Variants in MPP7 observed in about 807,000 individuals in gnomAD.
MPP7 encodes MAGUK p55 scaffold protein 7, also known as MAGUK p55 subfamily member 7.
MPP7 carries 60 observed loss-of-function variants against 76.5 expected under a neutral mutation model. That is an observed-to-expected ratio of 0.78 (90% CI 0.64 to 0.97). The LOEUF is 0.97. Ranked by LOEUF, MPP7 falls within the 50% of genes least tolerant of loss-of-function variation. The probability of loss-of-function intolerance (pLI) is 0.00; values close to 1 mark genes in which losing one functional copy is unlikely to be tolerated. For synonymous variants in MPP7, 237 were observed against 244.5 expected (o/e 0.97, Z 0.29); for missense variants, 641 against 694.0 (o/e 0.92, Z 0.86).
intron 3 of MPP7, among the ~76,000 whole-genome samples, chr10:28,174,076 A>T (rs1836777299): frequency 6.6e-6 from 1 of 152,216 alleles, no homozygotes; most frequent in Non-Finnish European, 1.5e-5. Context: ...AACCAATGAG[A>T]TACCACTACA....
intron 11 of MPP7, among the ~76,000 whole-genome samples, chr10:28,105,227 ATCTGCCAATAAGAATACAT>A (rs1466973353): frequency 7.9e-6 from 1 of 126,392 alleles, no homozygotes; most frequent in Non-Finnish European, 1.5e-5. Flanking sequence ...TAAGTTATCC[ATCTGCCAATAAGAATACAT>A]TTTGCACAAC....
intron 5 of MPP7, among the ~76,000 whole-genome samples, chr10:28,132,951 C>G (rs72803625): frequency 0.026 from 3,894 of 151,062 alleles, 71 homozygotes; most frequent in Middle Eastern, 0.059. Flanking sequence ...CTTTTCTCCA[C>G]TTAGATCAGA....
intron 1 of MPP7, among the ~76,000 whole-genome samples, chr10:28,297,368 G>A (rs1841057911): frequency 6.6e-6 from 1 of 152,190 alleles, no homozygotes; most frequent in Non-Finnish European, 1.5e-5. Flanking sequence ...GGTGCTGGCT[G>A]CTGAAAGATG....
intron 3 of MPP7, among the ~76,000 whole-genome samples, chr10:28,166,023 CAAAAAAA>C (rs9299600): frequency 8.0e-5 from 8 of 99,962 alleles, no homozygotes. Context: ...AGACTCATCT[CAAAAAAA>C]AAAAAAAAAA....
chr10:28,215,450 A>G (rs1461206417), intron 2 of MPP7, among the ~76,000 whole-genome samples: 1 of 152,242 alleles, frequency 6.6e-6, no homozygotes, highest in African/African-American at 2.4e-5. Flanking sequence ...GCCCTATACA[A>G]GAGGAGGTTG....
chr10:28,113,585 C>A (rs1055461233), intron 11 of MPP7, among the ~76,000 whole-genome samples: 6 of 152,106 alleles, frequency 3.9e-5, no homozygotes, highest in Non-Finnish European at 8.8e-5. Flanking sequence ...CAGGTGGACA[C>A]TTAGGCATTA....
In MPP7 at chr10:28,150,054, A is replaced by G. The variant is rs1431402297; in HGVS notation, c.162T>C (p.His54=). The G allele has an allele frequency of 2.5e-6, 4 of 1,613,028 alleles. No individual in the cohort carries two copies. Among genetic ancestry groups the G allele is most frequent in the East Asian group, 4.5e-5 (2 of 44,854 alleles). The change falls in exon 4 of 17, where the codon CAT becomes CAC. Residue 54 remains histidine, a synonymous_variant. Coordinates refer to ENST00000683449, the MANE Select transcript of MPP7 (RefSeq NM_001318170.2). ...GCTTCTCATAGTAGTGTAGTTTTTC[A>G]TGAATCTGGAAGAAAATCAAATGCA... The part of the protein sequence containing the change: ...EKSLHSLVKI[H]EKLHYYEKQS...
intron 1 of MPP7, among the ~76,000 whole-genome samples, chr10:28,239,584 T>C (rs905404868): frequency 3.9e-5 from 6 of 152,242 alleles, no homozygotes; most frequent in African/African-American, 1.4e-4. Context: ...GTGTTAGTAA[T>C]CCAAAGTAAA....
At chr10:28,274,996 A>G (rs1419923098) in intron 1 of MPP7, among the ~76,000 whole-genome samples, 1 of 152,238 alleles carries the variant, frequency 6.6e-6, no homozygotes, top group Non-Finnish European at 1.5e-5. Flanking sequence ...CAAATACTAT[A>G]ATCAGAATTC....
intron 3 of MPP7, among the ~76,000 whole-genome samples, chr10:28,178,847 A>G (rs1464088040): frequency 6.6e-6 from 1 of 152,218 alleles, no homozygotes; most frequent in Non-Finnish European, 1.5e-5. Flanking sequence ...CAAAAAAGAA[A>G]CAGAGACATT....
chr10:28,105,895 A>G (rs1226569246), intron 11 of MPP7, among the ~76,000 whole-genome samples: 1 of 152,206 alleles, frequency 6.6e-6, no homozygotes, highest in East Asian at 1.9e-4. Flanking sequence ...AAATTTTCAT[A>G]TGAAATTTCT....
At position 28,181,533 on chromosome 10, in the gene MPP7, G is replaced by T. The variant is rs1325621539; in HGVS notation, c.156+20620C>A. Among the ~76,000 whole-genome samples the T allele has an allele frequency of 3.8e-5, 5 of 131,736 alleles. No individual in the cohort carries two copies. In the East Asian group the frequency reaches 9.6e-4, roughly 25 times the overall value. The allele number at this position is 131,736 out of a possible 152,430, so 86.4% of individuals were successfully genotyped here. On this transcript the variant is annotated intron_variant, in intron 3 of 16. Transcript: ENST00000683449. ...TCAATAAATGAATCCAATGAGATGTGAGCATCTATTATCGTGCCCCACGAT... is the reference window on the plus strand; with the variant it reads ...TCAATAAATGAATCCAATGAGATGTTAGCATCTATTATCGTGCCCCACGAT...
chr10:28,203,315 T>C (rs893126796), intron 2 of MPP7: 1 of 152,152 alleles, frequency 6.6e-6, no homozygotes, highest in Non-Finnish European at 1.5e-5. Context: ...TAGTAAATTA[T>C]GGGCTGATGA....
intron 1 of MPP7, among the ~76,000 whole-genome samples, chr10:28,287,677 A>G (rs1175322012): frequency 3.3e-5 from 5 of 152,220 alleles, no homozygotes; most frequent in Admixed American, 3.3e-4. Context: ...TACCAATTAT[A>G]TCTCAATAAA....
At chr10:28,290,634 A>G (rs1472932323) in intron 1 of MPP7, among the ~76,000 whole-genome samples, 3 of 151,870 alleles carry the variant, frequency 2.0e-5, no homozygotes, top group African/African-American at 7.3e-5. Context: ...CACCACAACC[A>G]GTTAACTTTT....
At position 28,056,484 on chromosome 10, in the gene MPP7, A is replaced by G; in HGVS notation, c.1547T>C (p.Phe516Ser). Residue 516 changes from phenylalanine to serine, a missense_variant, in exon 16 of 17, where the codon TTC becomes TCC. Transcript: ENST00000683449. Reference protein sequence around the residue: ...SRDDQGAAKPFTEEDFQEMIK... With the variant: ...SRDDQGAAKPSTEEDFQEMIK... ...CCCAAGCATCATTATACTTACTGTGAAGGGTTTTGCAGCACCTTGGTCATC... is the reference window on the plus strand; with the variant it reads ...CCCAAGCATCATTATACTTACTGTGGAGGGTTTTGCAGCACCTTGGTCATC... 6.2e-7 allele frequency: 1 copy of G among 1,612,308 alleles called. No homozygotes were observed. Among genetic ancestry groups the G allele is most frequent in the Non-Finnish European group, 8.5e-7 (1 of 1,179,596 alleles).
intron 12 of MPP7, among the ~76,000 whole-genome samples, chr10:28,074,708 A>G (rs906399523): frequency 4.6e-5 from 7 of 152,214 alleles, no homozygotes; most frequent in Non-Finnish European, 8.8e-5. Flanking sequence ...ATCAGCACTT[A>G]AAACTGATAA....
At chr10:28,224,625 T>C (rs192658523) in intron 2 of MPP7, among the ~76,000 whole-genome samples, 1 of 152,352 alleles carries the variant, frequency 6.6e-6, no homozygotes. Context: ...TTTTTGCTAC[T>C]ATTTAACATG....
intron 1 of MPP7, among the ~76,000 whole-genome samples, chr10:28,332,337 G>C (rs1018624237): frequency 3.3e-5 from 5 of 151,270 alleles, no homozygotes; most frequent in African/African-American, 1.2e-4. Context: ...ATTTCTCTAA[G>C]GGCTGTCCTA....
Sources: gnomAD v4.1 joint callset for allele counts (sites outside exome capture counted in the v4.1 genomes callset) on GRCh38, gnomAD v4.1.1 for gene constraint, MANE v1.5 for transcripts, NCBI Gene and HGNC (gene_info 2026-07-23, HGNC 2026-07-21) for gene names.